Variants in ITGAE observed in about 807,000 individuals in gnomAD.
The protein encoded by ITGAE is integrin subunit alpha E, also known as integrin alpha-E.
In ITGAE, 99 loss-of-function variants were observed where a neutral mutation model predicts 136.5. The ratio of observed to expected loss-of-function variants is 0.73; its 90% CI spans 0.62 to 0.86. The LOEUF is 0.86. ITGAE is among the 40% of genes least tolerant of loss of function. The pLI is 0.00. For synonymous variants in ITGAE, 613 were observed against 591.8 expected (o/e 1.04, Z -0.52); for missense variants, 1,447 against 1,515.3 (o/e 0.95, Z 0.75).
At position 3,745,752 on chromosome 17, in the gene ITGAE, T is replaced by C; in HGVS notation, c.2319+12A>G. 1 of 1,613,102 alleles carries C rather than the reference T, an allele frequency of 6.2e-7. No homozygotes were observed. The highest frequency in any genetic ancestry group is 1.1e-5 in the South Asian group (1 of 90,986). On this transcript the variant is annotated intron_variant, in intron 18 of 30. Transcript: ENST00000263087. ...GACCCCTCCTGACTCCCATCCAAAC[T>C]CCGTCACTTACCTCTCCCTCTGTGG...
intron 1 of ITGAE, among the ~76,000 whole-genome samples, chr17:3,783,006 T>C (rs1461485411): frequency 1.3e-5 from 2 of 152,224 alleles, no homozygotes; most frequent in Non-Finnish European, 2.9e-5. Context: ...GTATGTCGAT[T>C]GAGATGGCTG....
chr17:3,723,453 G>A (rs960015044), intron 27 of ITGAE, 70 bp from the exon 28 acceptor site: 3 of 1,181,180 alleles, frequency 2.5e-6, no homozygotes, highest in African/African-American at 1.5e-5. Context: ...TTAACACTTC[G>A]GACACAGAGC....
chr17:3,759,275 C>T (rs1315785148), intron 8 of ITGAE, 127 bp downstream of exon 8: 6 of 1,100,104 alleles, frequency 5.5e-6, no homozygotes, highest in African/African-American at 1.6e-5. Flanking sequence ...CACGTTCTCT[C>T]TCGGCCAGGG....
rs112400595 is a variant in ITGAE at position 3,761,927 on chromosome 17, G to A, written c.303C>T (p.His101=). Residue 101 remains histidine (H), a synonymous_variant, in exon 4 of 31, where the codon CAC becomes CAT. Transcript: ENST00000263087. ...RHRGVTVVRS[H]HGVLICIQVL... ...CTCCTGCACTCACCAAAACACCGTG[G>A]TGGCTCCGGACAACGGTCACTCCCC... is the stretch of plus-strand genomic sequence containing the variant. 1 of 1,614,026 alleles carries A rather than the reference G, an allele frequency of 6.2e-7. No homozygotes were observed. Among genetic ancestry groups the A allele is most frequent in the South Asian group, 1.1e-5 (1 of 91,070 alleles).
intron 18 of ITGAE, among the ~76,000 whole-genome samples, chr17:3,744,687 G>C (rs2051671821): frequency 6.6e-6 from 1 of 151,894 alleles, no homozygotes; most frequent in Admixed American, 6.6e-5. Context: ...GACTTCAGGT[G>C]ATCCTCCCAC....
At chr17:3,786,751 G>T (rs918052860) in intron 1 of ITGAE, among the ~76,000 whole-genome samples, 1 of 151,914 alleles carries the variant, frequency 6.6e-6, no homozygotes, top group Non-Finnish European at 1.5e-5. Context: ...TTAGCTGGGC[G>T]TGGTGGCGCA....
chr17:3,736,980 T>C (rs2051471955), intron 20 of ITGAE, among the ~76,000 whole-genome samples: 1 of 151,936 alleles, frequency 6.6e-6, no homozygotes. Flanking sequence ...CGAGAGATGA[T>C]ACATGCCTGA....
intron 1 of ITGAE, among the ~76,000 whole-genome samples, chr17:3,795,612 T>C (rs1272988121): frequency 6.6e-6 from 1 of 152,242 alleles, no homozygotes. Flanking sequence ...GAGGGGTTGG[T>C]AAACAGAGAG....
At chr17:3,757,662 G>A (rs753680878) in intron 9 of ITGAE, 44 bp downstream of exon 9, 2 of 1,604,618 alleles carry the variant, frequency 1.2e-6, no homozygotes, top group African/African-American at 2.7e-5. Flanking sequence ...CCCCACCCCA[G>A]GCTGTGCAGG....
chr17:3,779,052 AG>A (rs948963827), intron 1 of ITGAE, among the ~76,000 whole-genome samples: 33 of 145,820 alleles, frequency 2.3e-4, no homozygotes, highest in African/African-American at 7.8e-4. Flanking sequence ...ACTAACCTAT[AG>A]TAAAAAAAAA....
chr17:3,719,048 A>G (rs1000239118), intron 29 of ITGAE, among the ~76,000 whole-genome samples: 4 of 151,976 alleles, frequency 2.6e-5, no homozygotes, highest in African/African-American at 7.3e-5. Context: ...CCTGGCCAAC[A>G]TGGTGAAATC....
In ITGAE at chr17:3,755,037, G is replaced by A. The variant is rs1357604050; in HGVS notation, c.1384+80C>T. 3.4e-6 allele frequency: 4 copies of A among 1,161,706 alleles called. No homozygotes were observed. The African/African-American group carries it at 7.4e-5, about 21-fold the overall frequency. The allele number at this position is 1,161,706 out of a possible 1,614,324, so 72.0% of individuals were successfully genotyped here. Reference sequence around the variant, plus strand: ...CCCGCCCTCGCCCACGTAGCCCTCAGGCCCCACCCTCGCCCAGGGAGCCTC... The same window carrying A: ...CCCGCCCTCGCCCACGTAGCCCTCAAGCCCCACCCTCGCCCAGGGAGCCTC... On this transcript the variant is annotated intron_variant, in intron 12 of 30. Transcript: ENST00000263087.
At chr17:3,717,011 T>C in intron 29 of ITGAE, 1 of 479,084 alleles carries the variant, frequency 2.1e-6, no homozygotes, top group Non-Finnish European at 3.8e-6. Context: ...CGTAAGAAAC[T>C]ATTCTGGCCC....
At chr17:3,716,459 C>T (rs983682488) in intron 30 of ITGAE, among the ~76,000 whole-genome samples, 2 of 152,116 alleles carry the variant, frequency 1.3e-5, no homozygotes, top group Admixed American at 1.3e-4. Flanking sequence ...TAGGGAGGTA[C>T]CAAAGAAATA....
chr17:3,771,728 G>A (rs1485887163), intron 2 of ITGAE, among the ~76,000 whole-genome samples: 1 of 151,862 alleles, frequency 6.6e-6, no homozygotes, highest in Non-Finnish European at 1.5e-5. Context: ...GTGGAGACGG[G>A]GTTTCACCAT....
intron 12 of ITGAE, 90 bp downstream of exon 12, chr17:3,755,027 G>T (rs1241246505): frequency 9.7e-6 from 6 of 621,572 alleles, no homozygotes; most frequent in Non-Finnish European, 1.2e-5. Flanking sequence ...CCTCGCCCAC[G>T]TAGCCCTCAG....
intron 23 of ITGAE, 104 bp from the exon 24 acceptor site, chr17:3,729,659 G>A (rs1597307149): frequency 1.5e-5 from 12 of 784,734 alleles, no homozygotes; most frequent in Non-Finnish European, 2.1e-5. Context: ...CAGTGTTGCC[G>A]TCTCAGCTCA....
intron 16 of ITGAE, among the ~76,000 whole-genome samples, chr17:3,748,796 G>C (rs1174263207): frequency 6.6e-6 from 1 of 152,176 alleles, no homozygotes; most frequent in Admixed American, 6.6e-5. Flanking sequence ...TGTTTGAGGA[G>C]CACAAAGGTC....
chr17:3,714,873 C>G lies in ITGAE; in HGVS notation c.3514G>C (p.Glu1172Gln). The G allele has an allele frequency of 6.2e-7, 1 of 1,610,590 alleles. No homozygotes were observed. Among genetic ancestry groups the G allele is most frequent in the South Asian group, 1.1e-5 (1 of 90,980 alleles). ...ESIRKAQLKS[E>Q]NLLEEEN The stretch of plus-strand genomic sequence containing the variant: ...TAATTCTCTTCTTCGAGCAGATTCT[C>G]TGATTTCAGCTGGGCCTTCCTGATG... Residue 1172 changes from glutamate (E) to glutamine (Q), a missense_variant, in exon 31 of 31, where the codon GAG becomes CAG. Glu to Gln is a conservative substitution (Grantham distance 29). Around this residue, in one of 3 missense-constraint regions of ITGAE, gnomAD observed 1,031 missense variants for 1,011.4 expected, o/e 1.02. Coordinates refer to ENST00000263087, the MANE Select transcript of ITGAE (RefSeq NM_002208.5).
Sources: allele counts gnomAD v4.1 joint callset (sites outside exome capture counted in the v4.1 genomes callset), GRCh38; gene constraint gnomAD v4.1.1; regional missense constraint gnomAD v4.1.1; transcripts MANE v1.5; gene names NCBI Gene and HGNC (gene_info 2026-07-23, HGNC 2026-07-21).